The following CASS4 variants were observed in gnomAD, a reference collection of about 807,000 sequenced individuals.
The protein encoded by CASS4 is Cas scaffold protein family member 4, also known as cas scaffolding protein family member 4.
In CASS4, 22 loss-of-function variants were observed where a neutral mutation model predicts 54.2. The ratio of observed to expected loss-of-function variants is 0.41; its 90% CI spans 0.29 to 0.58. CASS4 has a LOEUF of 0.58. CASS4 is among the 20% of genes least tolerant of loss of function. The pLI is 0.36. For synonymous variants in CASS4, 409 were observed against 391.5 expected (o/e 1.04, Z -0.53); for missense variants, 854 against 986.7 (o/e 0.87, Z 1.80).
intron 4 of CASS4, among the ~76,000 whole-genome samples, chr20:56,451,456 G>A (rs1006387602): frequency 4.6e-4 from 70 of 152,070 alleles, no homozygotes; most frequent in African/African-American, 1.4e-3. Flanking sequence ...CTGGCATTTC[G>A]CCGTGTCAGG....
chr20:56,442,669 A>G (rs921561037), intron 2 of CASS4, among the ~76,000 whole-genome samples: 1 of 148,960 alleles, frequency 6.7e-6, no homozygotes, highest in African/African-American at 2.6e-5. Context: ...CTAATTTAAA[A>G]AAAAAACCCA....
intron 2 of CASS4, among the ~76,000 whole-genome samples, chr20:56,438,794 T>G (rs1380159726): frequency 6.6e-6 from 1 of 152,202 alleles, no homozygotes; most frequent in East Asian, 1.9e-4. Context: ...GAGGGGAAGG[T>G]TGCAGTGAGC....
At position 56,421,829 on chromosome 20, in the gene CASS4, T is replaced by TA. The variant is rs148546989; in HGVS notation, c.36+9342dup. ...TTATGCCTTTCCTCACTTTTTTCCT[T>TA]AAAAAAAGAAAAAAGGAAAGAGGGA... On this transcript the variant is annotated intron_variant, in intron 1 of 5. Coordinates refer to ENST00000679887, the MANE Select transcript of CASS4 (RefSeq NM_020356.4). Among the ~76,000 whole-genome samples the TA allele has an allele frequency of 1.3e-4, 20 of 151,922 alleles. No homozygotes were observed. The East Asian group carries it at 3.7e-3, about 28-fold the overall frequency.
chr20:56,417,589 A>G (rs1476085345), intron 1 of CASS4, among the ~76,000 whole-genome samples: 1 of 152,208 alleles, frequency 6.6e-6, no homozygotes, highest in Non-Finnish European at 1.5e-5. Flanking sequence ...TTTCTTACTC[A>G]GTGCTGCATC....
At chr20:56,449,832 C>T (rs1447499819) in intron 3 of CASS4, among the ~76,000 whole-genome samples, 1 of 151,682 alleles carries the variant, frequency 6.6e-6, no homozygotes, top group African/African-American at 2.4e-5. Flanking sequence ...AGTGGGCACT[C>T]GTTGAATATT....
rs370524415 is a variant in CASS4, at chr20:56,437,120, C to T, written c.37-44C>T. The T allele has an allele frequency of 8.1e-6, 12 of 1,485,242 alleles. No individual in the cohort carries two copies. Among genetic ancestry groups the T allele is most frequent in the Non-Finnish European group, 1.1e-5 (12 of 1,105,558 alleles). The allele number at this position is 1,485,242 out of a possible 1,614,324, so 92.0% of individuals were successfully genotyped here. On this transcript the variant is annotated intron_variant, in intron 1 of 5. Coordinates refer to ENST00000679887, the MANE Select transcript of CASS4 (RefSeq NM_020356.4). This position sits in a 1 kb window ranked among gnomAD's most constrained non-coding sequence, Gnocchi z 4.7. ...TGGGATTGGAGTAGCAGTCACTGGC[C>T]ACGGTGCTAACTGCAAATTCTCTTC...
Position 56,428,796 on chromosome 20 carries a change from T to C in CASS4, c.37-8368T>C, listed in dbSNP as rs190281887. On this transcript the variant is annotated intron_variant, in intron 1 of 5. Coordinates refer to ENST00000679887, the MANE Select transcript of CASS4 (RefSeq NM_020356.4). ...CAATAGCAGGCTTCAGTCAGATGGA[T>C]GCGAGTTTGAATCCCTGCTCTGCTA... Among the ~76,000 whole-genome samples the C allele has an allele frequency of 1.5e-3, 222 of 152,300 alleles. 3 individuals carry two copies. The highest frequency in any genetic ancestry group is 0.013 in the Admixed American group (194 of 15,298).
chr20:56,417,605 T>A (rs1007661160), intron 1 of CASS4, among the ~76,000 whole-genome samples: 3 of 152,224 alleles, frequency 2.0e-5, no homozygotes, highest in Admixed American at 6.5e-5. Flanking sequence ...GCATCTCCGG[T>A]GCCTACAACA....
intron 1 of CASS4, among the ~76,000 whole-genome samples, chr20:56,416,469 T>TA (rs1979141604): frequency 6.6e-6 from 1 of 152,132 alleles, no homozygotes; most frequent in Non-Finnish European, 1.5e-5. Flanking sequence ...GTTACGAAAA[T>TA]AGAGTCTGCA....
intron 1 of CASS4, among the ~76,000 whole-genome samples, chr20:56,413,392 GCTGTCTGCGGTGGCTCACAC>G (rs1328902875): frequency 6.6e-6 from 1 of 151,944 alleles, no homozygotes; most frequent in Non-Finnish European, 1.5e-5. Context: ...GACTAGTGTG[GCTGTCTGCGGTGGCTCACAC>G]CTGTAATCCC....
Position 56,452,434 on chromosome 20 carries a change from G to A in CASS4, c.1258G>A (p.Asp420Asn), listed in dbSNP as rs761101859. 8.1e-6 allele frequency: 13 copies of A among 1,613,834 alleles called. No homozygotes were observed. Among genetic ancestry groups the A allele is most frequent in the Admixed American group, 5.0e-5 (3 of 59,972 alleles). The change falls in exon 5 of 6, where the codon GAC becomes AAC. Residue 420 changes from aspartate to asparagine, a missense_variant. Transcript: ENST00000679887. ...VSSCSTTSTD[D>N]SSSSSSEESA... Reference sequence around the variant, plus strand: ...CTCGTGCTCCACCACATCCACCGACGACTCCTCCAGCTCTTCCTCGGAGGA... The same window carrying A: ...CTCGTGCTCCACCACATCCACCGACAACTCCTCCAGCTCTTCCTCGGAGGA...
chr20:56,458,854 T>G lies in CASS4; in HGVS notation c.*107T>G, dbSNP rs546365362. The stretch of plus-strand genomic sequence containing the variant: ...CCAGCCGGGGCATACACCAATGAGC[T>G]GAAACAGACCTGGTGCCCAAAGCTG... On this transcript the variant is annotated 3_prime_UTR_variant, in exon 6 of 6. Coordinates refer to ENST00000679887, the MANE Select transcript of CASS4 (RefSeq NM_020356.4). 498 of 1,169,064 alleles carry G rather than the reference T, an allele frequency of 4.3e-4. No homozygotes were observed. Among genetic ancestry groups the G allele is most frequent in the Non-Finnish European group, 5.7e-4 (484 of 844,664 alleles). 72.4% of individuals were successfully genotyped at this position (1,169,064 alleles called of 1,614,324 possible). A position where few individuals can be genotyped will look rare whatever the true frequency, so the allele number is the denominator to read the frequency against.
intron 1 of CASS4, among the ~76,000 whole-genome samples, chr20:56,433,650 G>GGGAT: frequency 6.6e-6 from 1 of 152,326 alleles, no homozygotes; most frequent in African/African-American, 2.4e-5. Context: ...GACACCCCAT[G>GGGAT]GGATGCCTGA....
At chr20:56,447,842 G>A (rs183922694) in intron 3 of CASS4, among the ~76,000 whole-genome samples, 148 of 148,312 alleles carry the variant, frequency 1.0e-3, no homozygotes, top group African/African-American at 3.5e-3. Flanking sequence ...GCTTGCCTTG[G>A]GTGTAAAAGT....
At chr20:56,417,176 G>A (rs369237200) in intron 1 of CASS4, among the ~76,000 whole-genome samples, 8 of 152,330 alleles carry the variant, frequency 5.3e-5, no homozygotes, top group East Asian at 1.9e-4. Flanking sequence ...GTTTGTGAGT[G>A]GAGAGCAGTT....
At chr20:56,434,501 A>G (rs968854648) in intron 1 of CASS4, among the ~76,000 whole-genome samples, 6 of 152,056 alleles carry the variant, frequency 3.9e-5, no homozygotes, top group Admixed American at 1.3e-4. Flanking sequence ...CAGTGGCACC[A>G]TTTCAGCTCA....
rs1279288779 is a variant in CASS4 at position 56,452,978 on chromosome 20, C to G, written c.1802C>G (p.Thr601Ser). 6.2e-7 allele frequency: 1 copy of G among 1,614,002 alleles called. No homozygotes were observed. The highest frequency in any genetic ancestry group is 2.2e-5 in the East Asian group (1 of 44,866). ...NCEKEETVQLTPNAEFKCEKY... is the reference protein window; with the variant it reads ...NCEKEETVQLSPNAEFKCEKY... The stretch of plus-strand genomic sequence containing the variant: ...GAAAAGGAAGAGACTGTGCAGTTGA[C>G]CCCAAATGCAGAATTTAAGTGTGAA... Residue 601 changes from threonine to serine, a missense_variant, in exon 5 of 6, where the codon ACC becomes AGC. Coordinates refer to ENST00000679887, the MANE Select transcript of CASS4 (RefSeq NM_020356.4).
At position 56,452,159 on chromosome 20, in the gene CASS4, G is replaced by A. The variant is rs772751260; in HGVS notation, c.983G>A (p.Ser328Asn). ...RGTFPLDEDV[S>N]YKVPSSFLIP... ...ACATTTCCTTTGGATGAAGATGTCA[G>A]CTACAAGGTTCCTTCAAGCTTTCTG... is the stretch of plus-strand genomic sequence containing the variant. Residue 328 changes from serine (S) to asparagine (N), a missense_variant, in exon 5 of 6, where the codon AGC (serine) becomes AAC (asparagine). Coordinates refer to ENST00000679887, the MANE Select transcript of CASS4 (RefSeq NM_020356.4). The A allele has an allele frequency of 4.0e-5, 65 of 1,614,064 alleles. No homozygotes were observed. The highest frequency in any genetic ancestry group is 5.3e-5 in the Non-Finnish European group (62 of 1,180,046).
chr20:56,426,197 C>T (rs1358219447), intron 1 of CASS4, among the ~76,000 whole-genome samples: 4 of 152,208 alleles, frequency 2.6e-5, no homozygotes, highest in Admixed American at 6.5e-5. Flanking sequence ...CCAGTCCTGG[C>T]GTTGGCCCTT....
Sources: allele counts gnomAD v4.1 joint callset (sites outside exome capture counted in the v4.1 genomes callset), GRCh38; gene constraint gnomAD v4.1.1; non-coding constraint Gnocchi (gnomAD v3.1); transcripts MANE v1.5; gene names NCBI Gene and HGNC (gene_info 2026-07-23, HGNC 2026-07-21).